Variants in CNTN4 observed in about 807,000 individuals in gnomAD.
CNTN4 encodes contactin-4.
Under a neutral mutation model 122.5 loss-of-function variants are expected in CNTN4, and 77 were observed. The observed-to-expected ratio is 0.63, with a 90% CI of 0.52 to 0.76. CNTN4 has a LOEUF of 0.76. CNTN4 is among the 30% of genes least tolerant of loss of function. CNTN4 has a pLI of 0.00. For missense variants in CNTN4, 1,256 were observed against 1,259.1 expected (o/e 1.00, Z 0.04); for synonymous variants, 512 against 447.0 (o/e 1.15, Z -1.83).
At chr3:2,201,995 T>G (rs951131286) in intron 2 of CNTN4, among the ~76,000 whole-genome samples, 3 of 152,172 alleles carry the variant, frequency 2.0e-5, no homozygotes, top group African/African-American at 7.2e-5. Flanking sequence ...GCTTAAATCT[T>G]ACACAGGAGG....
At chr3:2,145,497 G>A (rs1247022721) in intron 2 of CNTN4, among the ~76,000 whole-genome samples, 1 of 152,172 alleles carries the variant, frequency 6.6e-6, no homozygotes, top group African/African-American at 2.4e-5. Flanking sequence ...GTGGCAAGGT[G>A]AGATCGAGCT....
In CNTN4 at chr3:2,164,468, G is replaced by A. The variant is rs535428657; in HGVS notation, c.-145+63829G>A. Among the ~76,000 whole-genome samples the A allele has an allele frequency of 2.6e-5, 4 of 152,294 alleles. No homozygotes were observed. In the South Asian group the frequency reaches 8.3e-4, roughly 32 times the overall value. On this transcript the variant is annotated intron_variant, in intron 2 of 24. Coordinates refer to ENST00000418658, the MANE Select transcript of CNTN4 (RefSeq NM_175607.3). ...ATGAGAGGAAGGAGGAGAACTAACA[G>A]ATTACCATTTCCTCTAAGCCAAACC... is the stretch of plus-strand genomic sequence containing the variant.
At chr3:2,839,538 G>A (rs1415365172) in intron 7 of CNTN4, among the ~76,000 whole-genome samples, 3 of 152,144 alleles carry the variant, frequency 2.0e-5, no homozygotes, top group African/African-American at 7.2e-5. Flanking sequence ...TCCTTGTCAA[G>A]TTACTGTAGA....
At chr3:2,190,331 G>GGTT (rs145286003) in intron 2 of CNTN4, among the ~76,000 whole-genome samples, 1 of 147,168 alleles carries the variant, frequency 6.8e-6, no homozygotes, top group African/African-American at 2.5e-5. Flanking sequence ...GTGTCTTTGT[G>GGTT]TTTTTTTTTT....
intron 3 of CNTN4, among the ~76,000 whole-genome samples, chr3:2,537,581 T>C (rs977909756): frequency 6.6e-6 from 1 of 152,122 alleles, no homozygotes; most frequent in African/African-American, 2.4e-5. Context: ...CATATGTATC[T>C]GCTTGGAGCA....
At chr3:2,553,187 A>G (rs1247798392) in intron 3 of CNTN4, among the ~76,000 whole-genome samples, 1 of 152,164 alleles carries the variant, frequency 6.6e-6, no homozygotes, top group Admixed American at 6.5e-5. Flanking sequence ...CTTTAAAGAG[A>G]AGAATCATCC....
intron 12 of CNTN4, among the ~76,000 whole-genome samples, chr3:2,911,134 T>C (rs1003749485): frequency 6.6e-6 from 1 of 152,168 alleles, no homozygotes; most frequent in African/African-American, 2.4e-5. Flanking sequence ...GGGAGTGGTT[T>C]CCGTTTTGCC....
chr3:2,516,616 C>T (rs1400337430), intron 3 of CNTN4, among the ~76,000 whole-genome samples: 1 of 152,054 alleles, frequency 6.6e-6, no homozygotes, highest in African/African-American at 2.4e-5. Context: ...GGCTTCATGT[C>T]TTCACCTCTA....
intron 6 of CNTN4, among the ~76,000 whole-genome samples, chr3:2,793,593 C>G (rs2092078823): frequency 6.6e-6 from 1 of 152,114 alleles, no homozygotes; most frequent in Non-Finnish European, 1.5e-5. Flanking sequence ...TTAATCACTG[C>G]TATTTGAGGG....
chr3:2,425,503 G>A (rs557556452), intron 3 of CNTN4, among the ~76,000 whole-genome samples: 75 of 152,196 alleles, frequency 4.9e-4, no homozygotes, highest in Admixed American at 1.2e-3. Context: ...GTCAGGTAGC[G>A]TGATGCCTCC....
At position 2,456,513 on chromosome 3, in the gene CNTN4, G is replaced by A. The variant is rs78007196; in HGVS notation, c.-88-114903G>A. ...CCCATTCCCGTTAAGGAGTTACTCA[G>A]CATTCCTCTTCCTCACTCCACTTCC... On this transcript the variant is annotated intron_variant, in intron 3 of 24. Transcript: ENST00000418658. 3.3e-5 allele frequency among the ~76,000 whole-genome samples: 5 copies of A among 152,116 alleles called. 1 individual carries two copies. The East Asian group carries it at 9.7e-4, about 29-fold the overall frequency.
chr3:2,144,075 C>A (rs973487150), intron 2 of CNTN4: 4 of 152,162 alleles, frequency 2.6e-5, no homozygotes, highest in Non-Finnish European at 5.9e-5. Context: ...AAGCTCCATC[C>A]CTTTCTTCTG....
At chr3:2,584,842 G>T (rs1326700270) in intron 4 of CNTN4, among the ~76,000 whole-genome samples, 1 of 151,870 alleles carries the variant, frequency 6.6e-6, no homozygotes, top group Non-Finnish European at 1.5e-5. Context: ...TATTCTCAGG[G>T]TAAAACTGTA....
chr3:2,932,755 G>GA (rs947096457), intron 13 of CNTN4, among the ~76,000 whole-genome samples: 7 of 151,198 alleles, frequency 4.6e-5, no homozygotes, highest in East Asian at 1.9e-4. Flanking sequence ...AAGCAAGAGA[G>GA]AAAAAAAAGG....
chr3:2,761,437 CCTGTGTGTGTGT>C (rs202053973), intron 6 of CNTN4, among the ~76,000 whole-genome samples: 143 of 130,116 alleles, frequency 1.1e-3, no homozygotes, highest in Middle Eastern at 4.1e-3. Context: ...GTAAGTGTAA[CCTGTGTGTGTGT>C]GTGTGTGTGT....
intron 6 of CNTN4, 57 bp from the exon 7 acceptor site, chr3:2,819,429 C>T: frequency 7.6e-7 from 1 of 1,315,828 alleles, no homozygotes. Flanking sequence ...TGGTACTCTC[C>T]CTTGATATCT....
intron 3 of CNTN4, among the ~76,000 whole-genome samples, chr3:2,381,694 T>C (rs1266347599): frequency 6.6e-6 from 1 of 152,222 alleles, no homozygotes; most frequent in Admixed American, 6.5e-5. Context: ...AAATGATGTA[T>C]AAAAAGTCTC....
intron 6 of CNTN4, among the ~76,000 whole-genome samples, chr3:2,766,588 G>A (rs1441290431): frequency 3.3e-5 from 5 of 152,110 alleles, no homozygotes; most frequent in East Asian, 1.9e-4. Flanking sequence ...ATTTTGGGAC[G>A]CGGCGGGGAA....
At chr3:2,756,052 T>C (rs2090321663) in intron 6 of CNTN4, among the ~76,000 whole-genome samples, 2 of 152,210 alleles carry the variant, frequency 1.3e-5, no homozygotes, top group Admixed American at 6.5e-5. Flanking sequence ...TTCTGAATGA[T>C]TGAAAATGTC....
Sources: allele counts gnomAD v4.1 joint callset (sites outside exome capture counted in the v4.1 genomes callset), GRCh38; gene constraint gnomAD v4.1.1; transcripts MANE v1.5; gene names NCBI Gene and HGNC (gene_info 2026-07-23, HGNC 2026-07-21).